The following FTO variants were observed in gnomAD, a reference collection of about 807,000 sequenced individuals.
FTO encodes FTO alpha-ketoglutarate dependent dioxygenase, also known as alpha-ketoglutarate-dependent dioxygenase FTO.
In FTO, 47 loss-of-function variants were observed where a neutral mutation model predicts 63.9. That is an observed-to-expected ratio of 0.74 (90% CI 0.58 to 0.94). FTO has a LOEUF of 0.94. Among genes scored for constraint, FTO ranks in the 40% least tolerant of loss-of-function variants. The probability of loss-of-function intolerance (pLI) is 0.00; values close to 1 mark genes in which losing one functional copy is unlikely to be tolerated. For synonymous variants in FTO, 207 were observed against 224.4 expected, an observed-to-expected ratio of 0.92 and a Z score of 0.69; for missense variants, 562 against 618.1, an observed-to-expected ratio of 0.91 and a Z score of 0.96.
At chr16:53,787,135 A>AGC (rs1487354117) in intron 1 of FTO, among the ~76,000 whole-genome samples, 1 of 148,436 alleles carries the variant, frequency 6.7e-6, no homozygotes, top group Non-Finnish European at 1.5e-5. Context: ...AAAAAAAAAA[A>AGC]AAAAAAAGAA....
chr16:53,887,184 C>T (rs1598912040), intron 6 of FTO, among the ~76,000 whole-genome samples: 1 of 152,322 alleles, frequency 6.6e-6, no homozygotes, highest in Non-Finnish European at 1.5e-5. Flanking sequence ...CAGTTGATGT[C>T]ATCAGGATGT....
rs180964300 is a variant in FTO, at chr16:53,742,654, A to G, written c.45+38425A>G. Reference sequence around the variant, plus strand: ...ATGTGTTGATACTAAAAGAAGTAGCATAAAAGGAAGAAAAAAATACATTGA... The same window carrying G: ...ATGTGTTGATACTAAAAGAAGTAGCGTAAAAGGAAGAAAAAAATACATTGA... On this transcript the variant is annotated intron_variant, in intron 1 of 8. Coordinates refer to ENST00000471389, the MANE Select transcript of FTO (RefSeq NM_001080432.3). Among the ~76,000 whole-genome samples, 6 of 152,348 alleles carry G rather than the reference A, an allele frequency of 3.9e-5. No individual in the cohort carries two copies. The East Asian group carries it at 1.2e-3, about 29-fold the overall frequency.
At chr16:53,738,588 C>A (rs1263745367) in intron 1 of FTO, among the ~76,000 whole-genome samples, 1 of 152,094 alleles carries the variant, frequency 6.6e-6, no homozygotes, top group Non-Finnish European at 1.5e-5. Context: ...CATATGTTTT[C>A]ATTTCTCTTG....
intron 8 of FTO, among the ~76,000 whole-genome samples, chr16:54,023,043 T>G (rs2084635910): frequency 6.6e-6 from 1 of 152,242 alleles, no homozygotes; most frequent in Non-Finnish European, 1.5e-5. Context: ...ATGTATGTCA[T>G]TATCTCCTAG....
chr16:53,932,574 G>A (rs1480720500), intron 7 of FTO, among the ~76,000 whole-genome samples: 1 of 152,004 alleles, frequency 6.6e-6, no homozygotes, highest in African/African-American at 2.4e-5. Context: ...ATTTTTAGTA[G>A]AGATGGGGTT....
At chr16:53,903,256 GTT>G (rs10566001) in intron 7 of FTO, among the ~76,000 whole-genome samples, 6,897 of 142,606 alleles carry the variant, frequency 0.048, 514 homozygotes, top group African/African-American at 0.16. Context: ...GGATATTCTA[GTT>G]TTTTTTTTTT....
chr16:53,735,247 A>C (rs1310293914), intron 1 of FTO, among the ~76,000 whole-genome samples: 1 of 152,224 alleles, frequency 6.6e-6, no homozygotes, highest in Non-Finnish European at 1.5e-5. Flanking sequence ...ACTTTGAATT[A>C]TCCATCCAAT....
At chr16:53,858,084 T>C (rs2080060654) in intron 4 of FTO, among the ~76,000 whole-genome samples, 1 of 152,088 alleles carries the variant, frequency 6.6e-6, no homozygotes, top group Non-Finnish European at 1.5e-5. Flanking sequence ...AAAAAAAAAC[T>C]AGAAGGAATT....
chr16:54,103,903 A>C (rs2086691148), intron 8 of FTO, among the ~76,000 whole-genome samples: 1 of 152,210 alleles, frequency 6.6e-6, no homozygotes, highest in African/African-American at 2.4e-5. Flanking sequence ...TATGAAAAAC[A>C]GTGCAATGGA....
intron 7 of FTO, among the ~76,000 whole-genome samples, chr16:53,901,469 G>A (rs2081401501): frequency 6.6e-6 from 1 of 152,206 alleles, no homozygotes. Context: ...AAGCCAAAGT[G>A]TCATTCATGA....
chr16:54,049,333 C>T (rs2085259686), intron 8 of FTO, among the ~76,000 whole-genome samples: 1 of 152,060 alleles, frequency 6.6e-6, no homozygotes, highest in African/African-American at 2.4e-5. Context: ...AGACAGAGAC[C>T]CTGGAAGACC....
At chr16:54,065,098 C>CATTTT (rs36221204) in intron 8 of FTO, among the ~76,000 whole-genome samples, 37,060 of 122,012 alleles carry the variant, frequency 0.3, 6,491 homozygotes, top group Middle Eastern at 0.38. Context: ...GTTAGCATAA[C>CATTTT]ATTTTATTTT....
chr16:53,992,272 G>C (rs1599159840), intron 8 of FTO: 2 of 152,268 alleles, frequency 1.3e-5, no homozygotes, highest in Admixed American at 6.5e-5. Flanking sequence ...CTGTTTAGAG[G>C]AACGGAAGGT....
intron 8 of FTO, among the ~76,000 whole-genome samples, chr16:54,014,224 A>G (rs2084386397): frequency 1.3e-5 from 2 of 152,190 alleles, no homozygotes; most frequent in African/African-American, 2.4e-5. Flanking sequence ...TCCAAATCTC[A>G]TATTGAAATT....
intron 6 of FTO, among the ~76,000 whole-genome samples, chr16:53,886,181 C>T (rs543326402): frequency 1.3e-5 from 2 of 152,290 alleles, no homozygotes; most frequent in African/African-American, 4.8e-5. Flanking sequence ...ATAGCCTTCT[C>T]CTTGCTTCCA....
intron 8 of FTO, among the ~76,000 whole-genome samples, chr16:54,073,887 C>G (rs1398460291): frequency 3.3e-5 from 5 of 152,044 alleles, no homozygotes; most frequent in African/African-American, 4.8e-5. Flanking sequence ...AAATTGAGTG[C>G]AAATTCAGGG....
At chr16:54,024,106 T>A (rs2084659296) in intron 8 of FTO, among the ~76,000 whole-genome samples, 1 of 152,244 alleles carries the variant, frequency 6.6e-6, no homozygotes, top group Non-Finnish European at 1.5e-5. Context: ...TCTGTTTTCT[T>A]CAATTAGATG....
At position 53,923,681 on chromosome 16, in the gene FTO, AT is replaced by A. The variant is rs200723135; in HGVS notation, c.1240-10293del. Among the ~76,000 whole-genome samples, 5,403 of 142,052 alleles carry A rather than the reference AT, an allele frequency of 0.038. 660 individuals carry two copies. The East Asian group carries it at 0.45, about 12-fold the overall frequency. The allele number at this position is 142,052 out of a possible 152,430, so 93.2% of individuals were successfully genotyped here. A position where few individuals can be genotyped will look rare whatever the true frequency, so the allele number is the denominator to read the frequency against. On this transcript the variant is annotated intron_variant, in intron 7 of 8. Transcript: ENST00000471389. ...TCTCCCCCACTTTTTCTTTCTTTCT[AT>A]TTTTTTTTTTCTTTCCTTGACAAGT...
chr16:53,965,537 A>G (rs957555995), intron 8 of FTO, among the ~76,000 whole-genome samples: 1 of 152,124 alleles, frequency 6.6e-6, no homozygotes, highest in Non-Finnish European at 1.5e-5. Flanking sequence ...TGTACTGGGG[A>G]TGGAGGAGAG....
Sources: allele counts gnomAD v4.1 joint callset (sites outside exome capture counted in the v4.1 genomes callset), GRCh38; gene constraint gnomAD v4.1.1; transcripts MANE v1.5; gene names NCBI Gene and HGNC (gene_info 2026-07-23, HGNC 2026-07-21).